The following FCRLB variants were observed in gnomAD, a reference collection of about 807,000 sequenced individuals.
FCRLB encodes Fc receptor like B, also known as Fc receptor-like B.
FCRLB carries 34 observed loss-of-function variants against 33.6 expected under a neutral mutation model. The ratio of observed to expected loss-of-function variants is 1.01; its 90% CI spans 0.77 to 1.35. FCRLB has a LOEUF of 1.35. Among genes scored for constraint, FCRLB ranks in the 40% most tolerant of loss-of-function variants. The pLI, the probability that FCRLB is intolerant of heterozygous loss-of-function variation, is 0.00. For synonymous variants in FCRLB, 280 were observed against 255.9 expected, an observed-to-expected ratio of 1.09 and a Z score of -0.90; for missense variants, 560 against 580.2, an observed-to-expected ratio of 0.97 and a Z score of 0.36.
chr1:161,724,425 T>TA (rs3039575), intron 5 of FCRLB, among the ~76,000 whole-genome samples: 29,720 of 112,216 alleles, frequency 0.26, 4,346 homozygotes, highest in African/African-American at 0.43. Context: ...CACTCTCTAC[T>TA]AAAAAAAAAA....
intron 5 of FCRLB, among the ~76,000 whole-genome samples, chr1:161,725,510 C>A (rs987834249): frequency 2.0e-5 from 3 of 152,000 alleles, no homozygotes; most frequent in Non-Finnish European, 2.9e-5. Context: ...GGTGTGATGG[C>A]GCCCACCGGT....
intron 2 of FCRLB, 144 bp from the exon 3 acceptor site, chr1:161,722,509 C>T: frequency 1.3e-6 from 1 of 749,476 alleles, no homozygotes. Context: ...CAGCCTGTCT[C>T]CCACTGGTTC....
chr1:161,725,453 C>G (rs1683507740), intron 5 of FCRLB, among the ~76,000 whole-genome samples: 1 of 152,086 alleles, frequency 6.6e-6, no homozygotes. Context: ...CCAGCCTGGC[C>G]AAGATGGTGA....
At position 161,726,471 on chromosome 1, in the gene FCRLB, T is replaced by C. The variant is rs904674670; in HGVS notation, c.575-232T>C. ...GCTGAGTGTCAGTCGGGATGTGACA[T>C]GAAGCGTCTGGCCTGGTCCCTCTTC... On this transcript the variant is annotated intron_variant, in intron 6 of 7. Coordinates refer to ENST00000367948, the Ensembl canonical transcript of FCRLB. The surrounding 1 kb of genome is among the most constrained non-coding windows in gnomAD (Gnocchi z 5.2). 13 of 739,074 alleles carry C rather than the reference T, an allele frequency of 1.8e-5. No homozygotes were observed. The highest frequency in any genetic ancestry group is 2.6e-5 in the Non-Finnish European group (11 of 419,154). The allele number at this position is 739,074 out of a possible 1,614,324, so 45.8% of individuals were successfully genotyped here. A position where few individuals can be genotyped will look rare whatever the true frequency, so the allele number is the denominator to read the frequency against.
In FCRLB at chr1:161,726,718, C is replaced by T; in HGVS notation, c.590C>T (p.Pro197Leu). 1.3e-6 allele frequency: 2 copies of T among 1,594,922 alleles called. No homozygotes were observed. Among genetic ancestry groups the T allele is most frequent in the Non-Finnish European group, 8.5e-7 (1 of 1,175,418 alleles). Residue 197 changes from proline (P) to leucine (L), a missense_variant, in exon 7 of 8, where the codon CCG (proline) becomes CTG (leucine). Pro to Leu is a moderately conservative substitution (Grantham distance 98). Coordinates refer to ENST00000367948, the Ensembl canonical transcript of FCRLB. This position sits in a 1 kb window ranked among gnomAD's most constrained non-coding sequence, Gnocchi z 5.2. Reference sequence around the variant, plus strand: ...CTCTCCGTAGAGCTGTTCCGGGCGCCGGTGCTGAGGGTGATGGGTCCGCGG... The same window carrying T: ...CTCTCCGTAGAGCTGTTCCGGGCGCTGGTGCTGAGGGTGATGGGTCCGCGG...
At chr1:161,722,515 G>C (rs1322209635) in intron 2 of FCRLB, 138 bp from the exon 3 acceptor site, 5 of 781,858 alleles carry the variant, frequency 6.4e-6, no homozygotes, top group Admixed American at 4.3e-5. Context: ...GTCTCCCACT[G>C]GTTCTGGTCT....
intron 5 of FCRLB, among the ~76,000 whole-genome samples, chr1:161,724,999 G>C (rs1006865628): frequency 6.6e-6 from 1 of 152,088 alleles, no homozygotes; most frequent in Non-Finnish European, 1.5e-5. Flanking sequence ...CAAAAGCCTC[G>C]GGCTCAGAGC....
chr1:161,726,491 C>G lies in FCRLB; in HGVS notation c.575-212C>G, dbSNP rs1436883976. On this transcript the variant is annotated intron_variant, in intron 6 of 7. Coordinates refer to ENST00000367948, the Ensembl canonical transcript of FCRLB. The surrounding 1 kb of genome is among the most constrained non-coding windows in gnomAD (Gnocchi z 5.2). ...TGACATGAAGCGTCTGGCCTGGTCCCTCTTCCTTTCAAGCTTTCCCCGTCC... is the reference window on the plus strand; with the variant it reads ...TGACATGAAGCGTCTGGCCTGGTCCGTCTTCCTTTCAAGCTTTCCCCGTCC... 2 of 775,880 alleles carry G rather than the reference C, an allele frequency of 2.6e-6. No homozygotes were observed. The highest frequency in any genetic ancestry group is 2.2e-6 in the Non-Finnish European group (1 of 452,822). 48.1% of individuals were successfully genotyped at this position (775,880 alleles called of 1,614,324 possible).
exon 8 of FCRLB, chr1:161,727,540 C>T: frequency 1.2e-6 from 2 of 1,614,186 alleles, no homozygotes; most frequent in Non-Finnish European, 1.7e-6. Context: ...CCTTCTGAGC[C>T]GGGTGGTCCT....
chr1:161,727,054 C>G (rs113313292), intron 7 of FCRLB, 61 bp downstream of exon 7: 5 of 1,424,786 alleles, frequency 3.5e-6, no homozygotes, highest in East Asian at 5.2e-5. Flanking sequence ...TTCCGCCTCT[C>G]GGCACCCACG....
rs1683503880 is a variant in FCRLB at position 161,725,348 on chromosome 1, A to AAGC, written c.308-470_308-468dup. 3.3e-5 allele frequency among the ~76,000 whole-genome samples: 5 copies of AAGC among 152,296 alleles called. No homozygotes were observed. In the East Asian group the frequency reaches 9.6e-4, roughly 29 times the overall value. On this transcript the variant is annotated intron_variant, in intron 5 of 7. Transcript: ENST00000367948. The stretch of plus-strand genomic sequence containing the variant: ...CCAGGGAAGGCCTGTCCGCTCAAGA[A>AAGC]AGCAGTGGGAGGCCAGGCCCGGTGG...
At position 161,723,358 on chromosome 1, in the gene FCRLB, C is replaced by T. The variant is rs1683436370; in HGVS notation, c.53-9C>T. The T allele has an allele frequency of 6.2e-7, 1 of 1,613,340 alleles. No individual in the cohort carries two copies. Among genetic ancestry groups the T allele is most frequent in the Non-Finnish European group, 8.5e-7 (1 of 1,179,462 alleles). On this transcript the variant is annotated splice_polypyrimidine_tract_variant and intron_variant, in intron 4 of 7. Transcript: ENST00000367948. ...ATGCTGCCCCCTCTCACCCCACTCC[C>T]CACCCCAGCTACTCTGGAGAAGCCC...
In FCRLB at chr1:161,725,686, A is replaced by C. The variant is rs1013814859; in HGVS notation, c.308-135A>C. The C allele has an allele frequency of 6.8e-5, 75 of 1,109,684 alleles. 1 individual carries two copies. Among genetic ancestry groups the C allele is most frequent in the Non-Finnish European group, 9.0e-6 (7 of 780,570 alleles). The allele number at this position is 1,109,684 out of a possible 1,614,324, so 68.7% of individuals were successfully genotyped here. A position where few individuals can be genotyped will look rare whatever the true frequency, so the allele number is the denominator to read the frequency against. ...AGAAAAAAAGAAAGAAAAAGAAAAG[A>C]AAAGAAAGCGGTGGGAGATGGCGGG... On this transcript the variant is annotated intron_variant, in intron 5 of 7. Coordinates refer to ENST00000367948, the Ensembl canonical transcript of FCRLB.
chr1:161,726,436 C>G lies in FCRLB; in HGVS notation c.575-267C>G. Reference sequence around the variant, plus strand: ...GCGCAGCGTCTCCTATTCTAGGCTGCAGAACCCGAGCTGAGTGTCAGTCGG... The same window carrying G: ...GCGCAGCGTCTCCTATTCTAGGCTGGAGAACCCGAGCTGAGTGTCAGTCGG... On this transcript the variant is annotated intron_variant, in intron 6 of 7. Transcript: ENST00000367948. The surrounding 1 kb of genome is among the most constrained non-coding windows in gnomAD (Gnocchi z 5.2). 1.4e-6 allele frequency: 1 copy of G among 723,656 alleles called. No homozygotes were observed. Among genetic ancestry groups the G allele is most frequent in the Non-Finnish European group, 2.5e-6 (1 of 405,474 alleles). 44.8% of individuals were successfully genotyped at this position (723,656 alleles called of 1,614,324 possible).
At chr1:161,725,923 A>G (rs376420928) in exon 6 of FCRLB, 26 of 1,614,114 alleles carry the variant, frequency 1.6e-5, no homozygotes, top group Non-Finnish European at 1.9e-5. Context: ...AAGCTTCACT[A>G]CTACCACGAC....
chr1:161,725,779 G>T, intron 5 of FCRLB, 42 bp from the exon 6 acceptor site: 1 of 1,558,436 alleles, frequency 6.4e-7, no homozygotes, highest in Non-Finnish European at 8.7e-7. Context: ...TCCAGGGCTG[G>T]ACTTTCTGTG....
intron 2 of FCRLB, 48 bp from the exon 3 acceptor site, chr1:161,722,605 T>C: frequency 6.3e-7 from 1 of 1,587,712 alleles, no homozygotes; most frequent in Non-Finnish European, 8.6e-7. Flanking sequence ...GCCACATTCT[T>C]TCTCTCTGTT....
chr1:161,723,522 T>C, exon 5 of FCRLB: 1 of 1,614,160 alleles, frequency 6.2e-7, no homozygotes, highest in Non-Finnish European at 8.5e-7. Context: ...ACTTCTGCCC[T>C]CTCACAAGAA....
exon 5 of FCRLB, chr1:161,723,493 T>G (rs1683442266): frequency 1.9e-6 from 3 of 1,614,172 alleles, no homozygotes; most frequent in Non-Finnish European, 2.5e-6. Flanking sequence ...ATCAGCACTC[T>G]CTGGTATTTG....
Sources: allele counts gnomAD v4.1 joint callset (sites outside exome capture counted in the v4.1 genomes callset), GRCh38; gene constraint gnomAD v4.1.1; non-coding constraint Gnocchi (gnomAD v3.1); transcripts MANE v1.5; gene names NCBI Gene and HGNC (gene_info 2026-07-23, HGNC 2026-07-21).